Variants in CRB1 observed in about 807,000 individuals in gnomAD.
CRB1 encodes crumbs cell polarity complex component 1.
A neutral mutation model predicts 120.0 loss-of-function variants in CRB1; 83 were observed. The observed-to-expected ratio is 0.69, with a 90% CI of 0.58 to 0.83. The LOEUF is 0.83. CRB1 is among the 40% of genes least tolerant of loss of function. The pLI is 0.00. For synonymous variants in CRB1, 625 were observed against 612.5 expected (o/e 1.02, Z -0.30); for missense variants, 1,699 against 1,687.6 (o/e 1.01, Z -0.12).
At chr1:197,216,537 G>T in the CRB1 span, among the ~76,000 whole-genome samples, 2 of 152,148 alleles carry the variant, frequency 1.3e-5, no homozygotes, top group Non-Finnish European at 2.9e-5. Context: ...TTAGTGTAAA[G>T]ATACAAGTTT....
intron 1 of CRB1, among the ~76,000 whole-genome samples, chr1:197,268,814 A>T (rs950478491): frequency 6.6e-6 from 1 of 152,162 alleles, no homozygotes; most frequent in Non-Finnish European, 1.5e-5. Context: ...TTTGGCCCTT[A>T]CTAATTGATA....
At chr1:197,302,103 C>G (rs193004635) in intron 1 of CRB1, among the ~76,000 whole-genome samples, 1 of 152,160 alleles carries the variant, frequency 6.6e-6, no homozygotes, top group East Asian at 1.9e-4. Flanking sequence ...AAGGAAGAGT[C>G]AATAGAAGCA....
intron 1 of CRB1, among the ~76,000 whole-genome samples, chr1:197,280,582 A>G (rs548424514): frequency 1.3e-4 from 20 of 152,058 alleles, no homozygotes; most frequent in Middle Eastern, 3.4e-3. Context: ...CATGTATTCT[A>G]TCAAGTACAT....
the CRB1 span, among the ~76,000 whole-genome samples, chr1:197,238,457 TTAAA>T: frequency 6.6e-6 from 1 of 152,206 alleles, no homozygotes; most frequent in Non-Finnish European, 1.5e-5. Flanking sequence ...TTCTCTCACC[TTAAA>T]TATTTTTGAA....
chr1:197,309,999 G>T (rs2125270147), intron 1 of CRB1, among the ~76,000 whole-genome samples: 1 of 152,204 alleles, frequency 6.6e-6, no homozygotes, highest in East Asian at 1.9e-4. Context: ...CTGATGAAAT[G>T]AAAATAGTTT....
intron 8 of CRB1, among the ~76,000 whole-genome samples, chr1:197,431,369 T>C (rs1664862170): frequency 6.6e-6 from 1 of 152,156 alleles, no homozygotes; most frequent in South Asian, 2.1e-4. Context: ...ATAGAAAACA[T>C]GATGCGTTGG....
intron 11 of CRB1, among the ~76,000 whole-genome samples, chr1:197,448,252 T>A (rs1348612711): frequency 2.0e-5 from 3 of 152,238 alleles, no homozygotes; most frequent in Admixed American, 2.0e-4. Flanking sequence ...GTTATTTTTT[T>A]ATGAGCAAAA....
chr1:197,428,928 G>A, intron 7 of CRB1: 2 of 1,504,816 alleles, frequency 1.3e-6, no homozygotes, highest in African/African-American at 2.8e-5. Context: ...CTTTTTGTGA[G>A]CAACCTTGTG....
intron 11 of CRB1, among the ~76,000 whole-genome samples, chr1:197,461,334 C>A (rs554795501): frequency 4.0e-4 from 61 of 152,168 alleles, no homozygotes; most frequent in African/African-American, 1.4e-3. Flanking sequence ...GGATTCCCAC[C>A]ATGGCTGGGG....
chr1:197,252,572 ATATATATATATGTG>A, the CRB1 span, among the ~76,000 whole-genome samples: 10 of 48,590 alleles, frequency 2.1e-4, no homozygotes, highest in African/African-American at 5.6e-4. Context: ...ATATATATAT[ATATATATATATGTG>A]TGTGTGTGTG....
At chr1:197,301,175 T>TA (rs1253798460) in intron 1 of CRB1, among the ~76,000 whole-genome samples, 1 of 152,080 alleles carries the variant, frequency 6.6e-6, no homozygotes, top group Non-Finnish European at 1.5e-5. Context: ...AAGTCTTTTT[T>TA]TTTTTTTTAA....
Position 197,289,653 on chromosome 1 carries a change from C to A in CRB1, c.70+21171C>A, listed in dbSNP as rs182562366. On this transcript the variant is annotated intron_variant, in intron 1 of 11. Transcript: ENST00000367400. ...ATTCCTATTAGATGAATATCAGAAC[C>A]TTTTCTTCTATCATTGTTGTCTATT... 8.0e-4 allele frequency among the ~76,000 whole-genome samples: 121 copies of A among 151,764 alleles called. 1 individual carries two copies. The highest frequency in any genetic ancestry group is 2.8e-3 in the African/African-American group (117 of 41,452).
the CRB1 span, among the ~76,000 whole-genome samples, chr1:197,257,523 T>G: frequency 6.6e-6 from 1 of 152,148 alleles, no homozygotes; most frequent in Non-Finnish European, 1.5e-5. Context: ...AATAGCTATT[T>G]GTTATATAGT....
chr1:197,386,418 A>G (rs1296101405), intron 5 of CRB1, among the ~76,000 whole-genome samples: 1 of 152,074 alleles, frequency 6.6e-6, no homozygotes, highest in Non-Finnish European at 1.5e-5. Flanking sequence ...CCAGTTACCA[A>G]TCTCTCAGTC....
At chr1:197,461,665 T>G (rs1332446906) in intron 11 of CRB1, among the ~76,000 whole-genome samples, 2 of 152,144 alleles carry the variant, frequency 1.3e-5, no homozygotes, top group Non-Finnish European at 2.9e-5. Context: ...GATCAGACAT[T>G]GCAATTCACA....
rs186604622 is a variant in CRB1 at position 197,445,611 on chromosome 1, G to C, written c.4005+3319G>C. On this transcript the variant is annotated intron_variant, in intron 11 of 11. Transcript: ENST00000367400. ...TTGGCCATTTGTAGGTTTAAAAATA[G>C]AAACTGTTAAGCTTTAATTTTGCAA... Among the ~76,000 whole-genome samples, 264 of 152,186 alleles carry C rather than the reference G, an allele frequency of 1.7e-3. 1 individual carries two copies. Among genetic ancestry groups the C allele is most frequent in the Middle Eastern group, 6.8e-3 (2 of 294 alleles).
intron 11 of CRB1, among the ~76,000 whole-genome samples, chr1:197,448,098 C>T (rs1665787711): frequency 6.6e-6 from 1 of 151,708 alleles, no homozygotes; most frequent in Non-Finnish European, 1.5e-5. Context: ...TAATTGCTAC[C>T]TTCATTTTAC....
At chr1:197,293,764 C>G (rs1249274685) in intron 1 of CRB1, among the ~76,000 whole-genome samples, 2 of 152,080 alleles carry the variant, frequency 1.3e-5, no homozygotes, top group Admixed American at 1.3e-4. Context: ...TACCACACAT[C>G]TACAACCATC....
the CRB1 span, among the ~76,000 whole-genome samples, chr1:197,229,634 G>T: frequency 6.6e-6 from 1 of 152,090 alleles, no homozygotes; most frequent in Non-Finnish European, 1.5e-5. Context: ...GTGGTTCCCA[G>T]TGTCTGTTGT....
Sources: gnomAD v4.1 joint callset for allele counts (sites outside exome capture counted in the v4.1 genomes callset) on GRCh38, gnomAD v4.1.1 for gene constraint, MANE v1.5 for transcripts, NCBI Gene and HGNC (gene_info 2026-07-23, HGNC 2026-07-21) for gene names.